The following LMX1B variants were observed in gnomAD, a reference collection of about 807,000 sequenced individuals.
LMX1B encodes the protein LIM homeobox transcription factor 1 beta.
Under a neutral mutation model 51.4 loss-of-function variants are expected in LMX1B, and 12 were observed. That is an observed-to-expected ratio of 0.23 (90% CI 0.15 to 0.38). The LOEUF (loss-of-function observed/expected upper bound fraction) is 0.38, where lower values mean the gene tolerates loss of function less well. Among genes scored for constraint, LMX1B ranks in the 10% least tolerant of loss-of-function variants. The pLI, the probability that LMX1B is intolerant of heterozygous loss-of-function variation, is 1.00. For synonymous variants in LMX1B, 237 were observed against 235.4 expected (o/e 1.01, Z -0.06); for missense variants, 445 against 571.1 (o/e 0.78, Z 2.25).
Position 126,615,440 on chromosome 9 carries a change from G to T in LMX1B, c.197G>T (p.Arg66Leu). The T allele has an allele frequency of 6.2e-7, 1 of 1,608,876 alleles. No individual in the cohort carries two copies. The highest frequency in any genetic ancestry group is 8.5e-7 in the Non-Finnish European group (1 of 1,177,872). The change falls in exon 2 of 8, where the codon CGC becomes CTC. Residue 66 changes from arginine to leucine, a missense_variant. By Grantham distance (102) the Arg-to-Leu change is moderately radical. Around this residue, in one of 3 missense-constraint regions of LMX1B, gnomAD observed 273 missense variants for 343.3 expected, o/e 0.80. Transcript: ENST00000373474. This position sits in a 1 kb window ranked among gnomAD's most constrained non-coding sequence, Gnocchi z 6.0. ...CEGCQRPISDRFLMRVNESSW... is the reference protein window; with the variant it reads ...CEGCQRPISDLFLMRVNESSW... ...GGCTGCCAGCGGCCCATCTCCGACC[G>T]CTTCCTGATGCGAGTCAACGAGTCG...
chr9:126,663,732 G>T lies in LMX1B; in HGVS notation c.327-27104G>T, dbSNP rs1041401111. On this transcript the variant is annotated intron_variant, in intron 2 of 7. Transcript: ENST00000373474. ...AAGCTTGTGGATCGCTTGCCAGGCA[G>T]TGTCTGGCACATAGTCAACACACGG... Among the ~76,000 whole-genome samples, 40 of 152,248 alleles carry T rather than the reference G, an allele frequency of 2.6e-4. 1 individual carries two copies. Among genetic ancestry groups the T allele is most frequent in the Admixed American group, 2.6e-3 (40 of 15,294 alleles).
chr9:126,644,883 T>C (rs1468613951), intron 2 of LMX1B, among the ~76,000 whole-genome samples: 6 of 152,188 alleles, frequency 3.9e-5, no homozygotes, highest in Non-Finnish European at 8.8e-5. Flanking sequence ...GACAGGCCCT[T>C]TCAGCAATTC....
rs1444797243 is a variant in LMX1B at position 126,618,068 on chromosome 9, G to A, written c.326+2499G>A. Among the ~76,000 whole-genome samples, 1 of 152,068 alleles carries A rather than the reference G, an allele frequency of 6.6e-6. No homozygotes were observed. Among genetic ancestry groups the A allele is most frequent in the African/African-American group, 2.4e-5 (1 of 41,432 alleles). ...TATTCACATTTCTTTTTTTCTTTGA[G>A]AATTGCAGATGCATATTTATTTCAT... On this transcript the variant is annotated intron_variant, in intron 2 of 7. Coordinates refer to ENST00000373474, the MANE Select transcript of LMX1B (RefSeq NM_001174147.2). This position sits in a 1 kb window ranked among gnomAD's most constrained non-coding sequence, Gnocchi z 4.5.
At position 126,700,736 on chromosome 9, in the gene LMX1B, C is replaced by G. The variant is rs1037092904; in HGVS notation, c.*4285C>G. 7 of 152,244 alleles carry G rather than the reference C, an allele frequency of 4.6e-5. No homozygotes were observed. Among genetic ancestry groups the G allele is most frequent in the African/African-American group, 1.7e-4 (7 of 41,454 alleles). 9.4% of individuals were successfully genotyped at this position (152,244 alleles called of 1,614,324 possible). On this transcript the variant is annotated 3_prime_UTR_variant, in exon 8 of 8. Transcript: ENST00000373474. ...GCCAATGAGCCTCTTTGCTGGTTCC[C>G]CCGACCCCACCTGGGGGTCCCATGG...
intron 2 of LMX1B, among the ~76,000 whole-genome samples, chr9:126,672,403 C>T (rs1588294136): frequency 6.6e-6 from 1 of 152,210 alleles, no homozygotes; most frequent in East Asian, 1.9e-4. Flanking sequence ...CTGTCCTTGG[C>T]GGGACCTGTG....
Position 126,614,046 on chromosome 9 carries a change from G to GCC in LMX1B, c.-397_-396dup, listed in dbSNP as rs531328889. Among the ~76,000 whole-genome samples, 20,595 of 104,424 alleles carry GCC rather than the reference G, an allele frequency of 0.2. 2,929 individuals are homozygous for GCC. Among genetic ancestry groups the GCC allele is most frequent in the Middle Eastern group, 0.28 (33 of 116 alleles). The allele number at this position is 104,424 out of a possible 152,430, so 68.5% of individuals were successfully genotyped here. On this transcript the variant is annotated 5_prime_UTR_variant, in exon 1 of 8. Coordinates refer to ENST00000373474, the MANE Select transcript of LMX1B (RefSeq NM_001174147.2). The stretch of plus-strand genomic sequence containing the variant: ...CGCCCGGGACCCCGCTGCGCCGCGC[G>GCC]CCCCCCCCGCGGCCCGCGGGGCCGC...
chr9:126,642,525 C>T (rs1835827970), intron 2 of LMX1B, among the ~76,000 whole-genome samples: 1 of 152,182 alleles, frequency 6.6e-6, no homozygotes, highest in Non-Finnish European at 1.5e-5. Flanking sequence ...CAGGTCATCC[C>T]CCGAAGAGCC....
rs777244438 is a variant in LMX1B, at chr9:126,615,434, C to T, written c.191C>T (p.Ser64Phe). ...AVCEGCQRPISDRFLMRVNES... is the reference protein window; with the variant it reads ...AVCEGCQRPIFDRFLMRVNES... Reference sequence around the variant, plus strand: ...TGCGAGGGCTGCCAGCGGCCCATCTCCGACCGCTTCCTGATGCGAGTCAAC... The same window carrying T: ...TGCGAGGGCTGCCAGCGGCCCATCTTCGACCGCTTCCTGATGCGAGTCAAC... Residue 64 changes from serine (S) to phenylalanine (F), a missense_variant, in exon 2 of 8, where the codon TCC (serine) becomes TTC (phenylalanine). Around this residue, in one of 3 missense-constraint regions of LMX1B, gnomAD observed 273 missense variants for 343.3 expected, o/e 0.80. Coordinates refer to ENST00000373474, the MANE Select transcript of LMX1B (RefSeq NM_001174147.2). This position sits in a 1 kb window ranked among gnomAD's most constrained non-coding sequence, Gnocchi z 6.0. 3.1e-6 allele frequency: 5 copies of T among 1,609,044 alleles called. No homozygotes were observed. Among genetic ancestry groups the T allele is most frequent in the Non-Finnish European group, 4.2e-6 (5 of 1,178,002 alleles).
chr9:126,653,155 T>C (rs948995098), intron 2 of LMX1B, among the ~76,000 whole-genome samples: 177 of 138,586 alleles, frequency 1.3e-3, no homozygotes, highest in African/African-American at 4.5e-3. Context: ...TTTTTTTTTT[T>C]TTTTTTTTTT....
Position 126,648,811 on chromosome 9 carries a change from T to G in LMX1B, c.326+33242T>G, listed in dbSNP as rs140090002. ...ACCAGGACTGAGGGGGCTGTGACAGTAGGGACTGAAAGTTGGGACCAGGTA... is the reference window on the plus strand; with the variant it reads ...ACCAGGACTGAGGGGGCTGTGACAGGAGGGACTGAAAGTTGGGACCAGGTA... On this transcript the variant is annotated intron_variant, in intron 2 of 7. Coordinates refer to ENST00000373474, the MANE Select transcript of LMX1B (RefSeq NM_001174147.2). Among the ~76,000 whole-genome samples, 7 of 152,248 alleles carry G rather than the reference T, an allele frequency of 4.6e-5. No individual in the cohort carries two copies. The East Asian group carries it at 1.4e-3, about 29-fold the overall frequency.
chr9:126,619,136 A>C (rs764411832), intron 2 of LMX1B, among the ~76,000 whole-genome samples: 3 of 152,220 alleles, frequency 2.0e-5, no homozygotes, highest in Admixed American at 6.5e-5. Flanking sequence ...TGAGTTTCAC[A>C]GAAAGCCCTC....
intron 2 of LMX1B, among the ~76,000 whole-genome samples, chr9:126,668,308 C>T (rs909480164): frequency 6.6e-6 from 1 of 152,112 alleles, no homozygotes; most frequent in African/African-American, 2.4e-5. Context: ...TGTCTCATCA[C>T]ACCTTCACCA....
chr9:126,684,032 A>G (rs1254978835), intron 2 of LMX1B, among the ~76,000 whole-genome samples: 1 of 152,096 alleles, frequency 6.6e-6, no homozygotes, highest in South Asian at 2.1e-4. Flanking sequence ...CCCCAAGTCC[A>G]TGAGCCCAGC....
At chr9:126,616,390 C>G (rs1242688491) in intron 2 of LMX1B, among the ~76,000 whole-genome samples, 1 of 152,150 alleles carries the variant, frequency 6.6e-6, no homozygotes, top group East Asian at 1.9e-4. Flanking sequence ...TTAGCTGAGA[C>G]TGGATTTGTA....
At chr9:126,638,154 G>A (rs1016901179) in intron 2 of LMX1B, among the ~76,000 whole-genome samples, 3 of 152,064 alleles carry the variant, frequency 2.0e-5, no homozygotes, top group Non-Finnish European at 4.4e-5. Flanking sequence ...GAAGCCTGAG[G>A]AGCTCCTGGC....
In LMX1B at chr9:126,690,332, G is replaced by A. The variant is rs559201898; in HGVS notation, c.327-504G>A. 2.6e-5 allele frequency among the ~76,000 whole-genome samples: 4 copies of A among 152,216 alleles called. No individual in the cohort carries two copies. In the South Asian group the frequency reaches 6.2e-4, roughly 24 times the overall value. The stretch of plus-strand genomic sequence containing the variant: ...GGGCTGGGGTTTGAAGGATTGAAGG[G>A]GCCAGGAGCCCAGAGAGGGGACCAG... On this transcript the variant is annotated intron_variant, in intron 2 of 7. Transcript: ENST00000373474.
In LMX1B at chr9:126,658,484, G is replaced by T. The variant is rs1836161820; in HGVS notation, c.327-32352G>T. ...ACATTCCCAGCTCCTGATTAGATTT[G>T]GGAAGGACTAATTAGATATAATTCA... On this transcript the variant is annotated intron_variant, in intron 2 of 7. Transcript: ENST00000373474. The surrounding 1 kb of genome is among the most constrained non-coding windows in gnomAD (Gnocchi z 4.0). 6.6e-6 allele frequency among the ~76,000 whole-genome samples: 1 copy of T among 152,050 alleles called. No individual in the cohort carries two copies. Among genetic ancestry groups the T allele is most frequent in the Non-Finnish European group, 1.5e-5 (1 of 68,010 alleles).
rs1001363712 is a variant in LMX1B, at chr9:126,696,285, G to T, written c.1052-9G>T. ...GTACCCCGGTCCTGACACCCCTTCT[G>T]CCCCCCAGGGAACGACTCCATCTTC... On this transcript the variant is annotated splice_polypyrimidine_tract_variant and intron_variant, in intron 7 of 7. Coordinates refer to ENST00000373474, the MANE Select transcript of LMX1B (RefSeq NM_001174147.2). 3 of 1,612,152 alleles carry T rather than the reference G, an allele frequency of 1.9e-6. No homozygotes were observed. The Admixed American group carries it at 5.0e-5, about 27-fold the overall frequency.
chr9:126,685,841 T>C (rs10987410), intron 2 of LMX1B, among the ~76,000 whole-genome samples: 15,478 of 152,060 alleles, frequency 0.1, 863 homozygotes, highest in South Asian at 0.16. Context: ...ATCATCCCCA[T>C]TGGACAGATG....
Sources: gnomAD v4.1 joint callset for allele counts (sites outside exome capture counted in the v4.1 genomes callset) on GRCh38, gnomAD v4.1.1 for gene constraint, gnomAD v4.1.1 regional missense constraint, Gnocchi (gnomAD v3.1) non-coding constraint, MANE v1.5 for transcripts, NCBI Gene and HGNC (gene_info 2026-07-23, HGNC 2026-07-21) for gene names.